Variants in PTGIS observed in about 807,000 individuals in gnomAD.
The protein encoded by PTGIS is prostacyclin synthase.
PTGIS carries 45 observed loss-of-function variants against 50.3 expected under a neutral mutation model. The ratio of observed to expected loss-of-function variants is 0.90; its 90% confidence interval spans 0.70 to 1.15. PTGIS has a LOEUF of 1.15. Among genes scored for constraint, PTGIS ranks in the 50% most tolerant of loss-of-function variants. The probability of loss-of-function intolerance (pLI) is 0.00; values close to 1 mark genes in which losing one functional copy is unlikely to be tolerated. For synonymous variants in PTGIS, 260 were observed against 267.7 expected, an observed-to-expected ratio of 0.97 and a Z score of 0.28; for missense variants, 668 against 661.3, an observed-to-expected ratio of 1.01 and a Z score of -0.11.
At chr20:49,553,112 A>G (rs967997924) in intron 1 of PTGIS, among the ~76,000 whole-genome samples, 3 of 152,122 alleles carry the variant, frequency 2.0e-5, no homozygotes, top group Non-Finnish European at 4.4e-5. Context: ...AAAATTAGAA[A>G]TGGTTTCAGA....
intron 6 of PTGIS, among the ~76,000 whole-genome samples, chr20:49,517,560 G>A (rs1395897926): frequency 6.6e-6 from 1 of 152,104 alleles, no homozygotes; most frequent in African/African-American, 2.4e-5. Flanking sequence ...CGTTTACTCA[G>A]GAAGACACTT....
intron 1 of PTGIS, 41 bp downstream of exon 1, chr20:49,568,002 C>T: frequency 1.4e-6 from 2 of 1,459,110 alleles, no homozygotes; most frequent in East Asian, 3.0e-5. Context: ...GCGGGAGCCG[C>T]CCCCTTTGTC....
intron 5 of PTGIS, among the ~76,000 whole-genome samples, chr20:49,528,160 G>A (rs955596459): frequency 6.6e-6 from 1 of 152,052 alleles, no homozygotes; most frequent in African/African-American, 2.4e-5. Context: ...TGAATTCCAA[G>A]GTTTCAGTTA....
At position 49,506,438 on chromosome 20, in the gene PTGIS, C is replaced by T. The variant is rs1244585995; in HGVS notation, c.*1482G>A. 2.0e-5 allele frequency: 3 copies of T among 152,172 alleles called. No homozygotes were observed. Among genetic ancestry groups the T allele is most frequent in the African/African-American group, 4.8e-5 (2 of 41,424 alleles). The allele number at this position is 152,172 out of a possible 1,614,324, so 9.4% of individuals were successfully genotyped here. A position where few individuals can be genotyped will look rare whatever the true frequency, so the allele number is the denominator to read the frequency against. ...TGTCGCCCAGGCTGGAGTGCCGTGG[C>T]GCAGTCTCAGTTCACTGCAACCTCC... On this transcript the variant is annotated 3_prime_UTR_variant, in exon 10 of 10. Coordinates refer to ENST00000244043, the MANE Select transcript of PTGIS (RefSeq NM_000961.4).
Position 49,568,127 on chromosome 20 carries a change from G to GCGGGGCTGGCGGGGCTGGCGGGGCTGT in PTGIS, c.-12_-11insACAGCCCCGCCAGCCCCGCCAGCCCCG. ...CGCGGCCCAAGCCATCGCGGGGCTG[G>GCGGGGCTGGCGGGGCTGGCGGGGCTGT]CGGGGCTGGCGGGGCTGGCGGGGCT... is the stretch of plus-strand genomic sequence containing the variant. On this transcript the variant is annotated 5_prime_UTR_variant, in exon 1 of 10. Coordinates refer to ENST00000244043, the MANE Select transcript of PTGIS (RefSeq NM_000961.4). 1 of 1,133,378 alleles carries GCGGGGCTGGCGGGGCTGGCGGGGCTGT rather than the reference G, an allele frequency of 8.8e-7. No homozygotes were observed. Among genetic ancestry groups the GCGGGGCTGGCGGGGCTGGCGGGGCTGT allele is most frequent in the Admixed American group, 4.2e-5 (1 of 23,656 alleles). The allele number at this position is 1,133,378 out of a possible 1,614,324, so 70.2% of individuals were successfully genotyped here.
chr20:49,524,103 C>T lies in PTGIS; in HGVS notation c.810G>A (p.Glu270=), dbSNP rs1355808921. ...GCACCAGGGCCCGTGCCTGCATCTC[C>T]TCTGACACACCCATCTCCTCCAGGT... is the stretch of plus-strand genomic sequence containing the variant. The part of the protein sequence containing the change: ...LLHLEEMGVS[E]EMQARALVLQ... Residue 270 remains glutamate, a synonymous_variant, in exon 6 of 10, where the codon GAG becomes GAA. Coordinates refer to ENST00000244043, the MANE Select transcript of PTGIS (RefSeq NM_000961.4). The T allele has an allele frequency of 5.0e-6, 8 of 1,614,108 alleles. No homozygotes were observed. The highest frequency in any genetic ancestry group is 5.9e-6 in the Non-Finnish European group (7 of 1,180,052).
chr20:49,534,399 A>T (rs1239412331), intron 5 of PTGIS, among the ~76,000 whole-genome samples: 1 of 152,138 alleles, frequency 6.6e-6, no homozygotes, highest in African/African-American at 2.4e-5. Flanking sequence ...TTAAGATGAG[A>T]AATCACCGTC....
At chr20:49,528,142 A>G (rs921530563) in intron 5 of PTGIS, among the ~76,000 whole-genome samples, 1 of 152,128 alleles carries the variant, frequency 6.6e-6, no homozygotes, top group African/African-American at 2.4e-5. Flanking sequence ...TCAAAATACA[A>G]AAGAATTTGA....
intron 4 of PTGIS, 115 bp from the exon 5 acceptor site, chr20:49,539,836 G>A (rs73124177): frequency 0.082 from 112,452 of 1,376,688 alleles, 5,890 homozygotes; most frequent in South Asian, 0.21. Flanking sequence ...CCTACTGTGC[G>A]CCAAAGACCA....
At chr20:49,508,119 C>T (rs533276633) in intron 9 of PTGIS, 55 bp from the exon 10 acceptor site, 36 of 1,601,814 alleles carry the variant, frequency 2.2e-5, no homozygotes, top group South Asian at 1.8e-4. Flanking sequence ...AGGGGGTTAT[C>T]GGGAACAAGG....
chr20:49,539,442 C>T lies in PTGIS; in HGVS notation c.673+128G>A. ...CTTGCATACCCCCAGTGATGGGGATCTTACTGCCTCCCTGGGCATTGGATG... is the reference window on the plus strand; with the variant it reads ...CTTGCATACCCCCAGTGATGGGGATTTTACTGCCTCCCTGGGCATTGGATG... On this transcript the variant is annotated intron_variant, in intron 5 of 9. Coordinates refer to ENST00000244043, the MANE Select transcript of PTGIS (RefSeq NM_000961.4). The T allele has an allele frequency of 1.3e-5, 15 of 1,149,466 alleles. No individual in the cohort carries two copies. The South Asian group carries it at 2.1e-4, about 16-fold the overall frequency. The allele number at this position is 1,149,466 out of a possible 1,614,324, so 71.2% of individuals were successfully genotyped here.
chr20:49,514,567 G>T (rs1449076091), intron 6 of PTGIS, among the ~76,000 whole-genome samples, 172 bp from the exon 7 acceptor site: 3 of 152,212 alleles, frequency 2.0e-5, no homozygotes, highest in Admixed American at 1.3e-4. Context: ...GGCCAAAACT[G>T]CCCTGTGGCC....
chr20:49,504,893 G>C lies in PTGIS; in HGVS notation c.*3027C>G, dbSNP rs2022240532. 1 of 152,092 alleles carries C rather than the reference G, an allele frequency of 6.6e-6. No individual in the cohort carries two copies. The highest frequency in any genetic ancestry group is 2.4e-5 in the African/African-American group (1 of 41,398). 9.4% of individuals were successfully genotyped at this position (152,092 alleles called of 1,614,324 possible). A position where few individuals can be genotyped will look rare whatever the true frequency, so the allele number is the denominator to read the frequency against. On this transcript the variant is annotated 3_prime_UTR_variant, in exon 10 of 10. Coordinates refer to ENST00000244043, the MANE Select transcript of PTGIS (RefSeq NM_000961.4). ...TAATCCCAGCACTTTGGGAGGCCGA[G>C]GCGGGCAGATCACGAGCTCAGGAGA...
At chr20:49,545,667 C>G (rs1398226993) in intron 3 of PTGIS, among the ~76,000 whole-genome samples, 1 of 152,164 alleles carries the variant, frequency 6.6e-6, no homozygotes, top group Admixed American at 6.5e-5. Flanking sequence ...GCATCTAAGT[C>G]TAAGGCCTCT....
rs781066504 is a variant in PTGIS at position 49,548,032 on chromosome 20, G to C, written c.199-13C>G. ...CCCCAACCAGTATCTGTGGGAAGTT[G>C]CCAGGGATAGAGTGAGGAGTGTCAC... On this transcript the variant is annotated splice_polypyrimidine_tract_variant and intron_variant, in intron 2 of 9. Coordinates refer to ENST00000244043, the MANE Select transcript of PTGIS (RefSeq NM_000961.4). The C allele has an allele frequency of 6.2e-7, 1 of 1,613,086 alleles. No individual in the cohort carries two copies. The highest frequency in any genetic ancestry group is 8.5e-7 in the Non-Finnish European group (1 of 1,179,344).
intron 6 of PTGIS, among the ~76,000 whole-genome samples, chr20:49,522,182 G>T (rs561294003): frequency 9.2e-5 from 14 of 152,094 alleles, no homozygotes; most frequent in African/African-American, 3.4e-4. Flanking sequence ...TACTCTGCAA[G>T]ATCCAACCCC....
chr20:49,526,735 A>G (rs966216063), intron 5 of PTGIS, among the ~76,000 whole-genome samples: 1 of 152,240 alleles, frequency 6.6e-6, no homozygotes, highest in Non-Finnish European at 1.5e-5. Context: ...ACAATGCTCA[A>G]CACCATTAGT....
intron 5 of PTGIS, among the ~76,000 whole-genome samples, chr20:49,531,632 G>A (rs993534410): frequency 6.6e-6 from 1 of 151,750 alleles, no homozygotes; most frequent in Non-Finnish European, 1.5e-5. Context: ...CTATTTTGTT[G>A]TTTTTTTTCT....
rs1417043234 is a variant in PTGIS at position 49,548,026 on chromosome 20, G to A, written c.199-7C>T. On this transcript the variant is annotated splice_polypyrimidine_tract_variant and splice_region_variant and intron_variant, in intron 2 of 9. Transcript: ENST00000244043. ...ACCTGCCCCCAACCAGTATCTGTGG[G>A]AAGTTGCCAGGGATAGAGTGAGGAG... 1.2e-6 allele frequency: 2 copies of A among 1,613,668 alleles called. No homozygotes were observed. The highest frequency in any genetic ancestry group is 1.7e-5 in the Admixed American group (1 of 60,014).
Sources: allele counts gnomAD v4.1 joint callset (sites outside exome capture counted in the v4.1 genomes callset), GRCh38; gene constraint gnomAD v4.1.1; transcripts MANE v1.5; gene names NCBI Gene and HGNC (gene_info 2026-07-23, HGNC 2026-07-21).